Variants in MDN1 observed in about 807,000 individuals in gnomAD.
MDN1 encodes midasin AAA ATPase 1.
A neutral mutation model predicts 669.2 loss-of-function variants in MDN1; 266 were observed. The observed-to-expected ratio is 0.40, with a 90% CI of 0.36 to 0.44. The LOEUF is 0.44. Among genes scored for constraint, MDN1 ranks in the 20% least tolerant of loss-of-function variants. MDN1 has a pLI of 1.00. For missense variants in MDN1, 5,940 were observed against 6,754.0 expected, an observed-to-expected ratio of 0.88 and a Z score of 4.22; for synonymous variants, 2,385 against 2,457.1, an observed-to-expected ratio of 0.97 and a Z score of 0.87.
chr6:89,740,271 G>C lies in MDN1; in HGVS notation c.4556C>G (p.Ala1519Gly). ...AAAGTCACCCCCAGGGTTCATGGTT[G>C]CTAGAATACGAAATTTTTTCCCAGC... is the stretch of plus-strand genomic sequence containing the variant. ...LTAGKKFRILATMNPGGDFGK... is the reference protein window; with the variant it reads ...LTAGKKFRILGTMNPGGDFGK... The change falls in exon 32 of 102, where the codon GCA becomes GGA. Residue 1519 changes from alanine to glycine, a missense_variant. By Grantham distance (60) the Ala-to-Gly change is moderately conservative. Transcript: ENST00000369393. 6.2e-7 allele frequency: 1 copy of C among 1,611,834 alleles called. No individual in the cohort carries two copies. The highest frequency in any genetic ancestry group is 8.5e-7 in the Non-Finnish European group (1 of 1,179,362).
chr6:89,778,439 CTT>C (rs1818461988), intron 11 of MDN1, among the ~76,000 whole-genome samples: 2 of 152,038 alleles, frequency 1.3e-5, no homozygotes, highest in South Asian at 2.1e-4. Context: ...AGCAGGAAAA[CTT>C]ATACCCAGAA....
intron 2 of MDN1, among the ~76,000 whole-genome samples, chr6:89,796,946 T>C (rs1232658172): frequency 6.6e-6 from 1 of 151,968 alleles, no homozygotes; most frequent in African/African-American, 2.4e-5. Flanking sequence ...TGCAAGCCTG[T>C]AATCCCAGCT....
At position 89,790,235 on chromosome 6, in the gene MDN1, T is replaced by C. The variant is rs1157880230; in HGVS notation, c.1022A>G (p.Tyr341Cys). The change falls in exon 6 of 102, where the codon TAT becomes TGT. Residue 341 changes from tyrosine (Y) to cysteine (C), a missense_variant. Transcript: ENST00000369393. ...IGCGKTSLVE[Y>C]LAAVTGRTKP... is the part of the protein sequence containing the mutation. ...TGTTCTACCTGTCACTGCAGCTAAA[T>C]ATTCAACTAAGGAAGTTTTGCCACA... 2 of 1,614,170 alleles carry C rather than the reference T, an allele frequency of 1.2e-6. No individual in the cohort carries two copies. Among genetic ancestry groups the C allele is most frequent in the Admixed American group, 3.3e-5 (2 of 60,022 alleles).
intron 26 of MDN1, among the ~76,000 whole-genome samples, chr6:89,747,918 A>AT (rs1412293865): frequency 1.5e-3 from 218 of 149,920 alleles, no homozygotes; most frequent in African/African-American, 5.1e-3. Context: ...AAAAAGATTA[A>AT]TTTTTTAATG....
At chr6:89,763,391 A>G (rs1167834482) in intron 15 of MDN1, among the ~76,000 whole-genome samples, 1 of 151,890 alleles carries the variant, frequency 6.6e-6, no homozygotes, top group Non-Finnish European at 1.5e-5. Flanking sequence ...GGTACTCCAA[A>G]GCTCAACTTG....
chr6:89,730,952 C>T, intron 34 of MDN1, 29 bp from the exon 35 acceptor site: 1 of 1,591,702 alleles, frequency 6.3e-7, no homozygotes, highest in African/African-American at 1.3e-5. Context: ...GTCCATGAAG[C>T]AACAGTACAA....
chr6:89,785,147 C>A (rs1249325959), intron 8 of MDN1, 21 bp from the exon 9 acceptor site: 1 of 1,571,084 alleles, frequency 6.4e-7, no homozygotes, highest in Non-Finnish European at 8.8e-7. Context: ...AAATAAAAAA[C>A]ACAGTCACAC....
intron 23 of MDN1, 157 bp downstream of exon 23, chr6:89,751,274 A>T: frequency 1.1e-6 from 1 of 908,830 alleles, no homozygotes; most frequent in Non-Finnish European, 1.6e-6. Flanking sequence ...AAAGTTTTCT[A>T]CCAGGAAAAA....
At chr6:89,677,460 C>T in intron 76 of MDN1, 110 bp downstream of exon 76, 1 of 1,371,894 alleles carries the variant, frequency 7.3e-7, no homozygotes, top group Non-Finnish European at 1.0e-6. Flanking sequence ...AAGTGGTAGC[C>T]ACAGTGGTAT....
At chr6:89,719,301 C>T in intron 40 of MDN1, 76 bp from the exon 41 acceptor site, 1 of 1,196,374 alleles carries the variant, frequency 8.4e-7, no homozygotes, top group Non-Finnish European at 1.2e-6. Context: ...AGAAAACAAG[C>T]ACAGTGATAA....
At chr6:89,694,907 G>C (rs1812629613) in intron 61 of MDN1, among the ~76,000 whole-genome samples, 1 of 152,016 alleles carries the variant, frequency 6.6e-6, no homozygotes, top group Admixed American at 6.6e-5. Context: ...AAAATTCCTA[G>C]GATATAGGGA....
rs540096531 is a variant in MDN1 at position 89,699,881 on chromosome 6, T to TA, written c.8871-155dup. ...ATAAAATTCTCGGTGACTTTTAAAG[T>TA]AGAGTCAAAACTAGTAAAAAAAAAA... On this transcript the variant is annotated intron_variant, in intron 57 of 101. Transcript: ENST00000369393. 2.2e-3 allele frequency among the ~76,000 whole-genome samples: 338 copies of TA among 151,780 alleles called. 1 individual carries two copies. The highest frequency in any genetic ancestry group is 7.9e-3 in the African/African-American group (326 of 41,402).
chr6:89,806,612 G>A (rs947636302), intron 1 of MDN1, among the ~76,000 whole-genome samples: 2 of 152,110 alleles, frequency 1.3e-5, no homozygotes, highest in African/African-American at 2.4e-5. Flanking sequence ...CAGCTACTTG[G>A]GAGGCTGGGG....
At chr6:89,715,385 G>A (rs1814282046) in intron 45 of MDN1, among the ~76,000 whole-genome samples, 2 of 152,156 alleles carry the variant, frequency 1.3e-5, no homozygotes, top group South Asian at 2.1e-4. Flanking sequence ...TACTGCAAAA[G>A]GATCATGACT....
intron 2 of MDN1, 146 bp downstream of exon 2, chr6:89,803,182 G>T (rs1767775086): frequency 9.7e-6 from 7 of 722,658 alleles, no homozygotes; most frequent in Non-Finnish European, 2.3e-6. Context: ...GGATTCTGCT[G>T]TGACTCTTTT....
In MDN1 at chr6:89,700,778, G is replaced by A. The variant is rs765924177; in HGVS notation, c.8506C>T (p.Leu2836Phe). 3 of 1,614,086 alleles carry A rather than the reference G, an allele frequency of 1.9e-6. No homozygotes were observed. The South Asian group carries it at 3.3e-5, about 18-fold the overall frequency. The part of the protein sequence containing the change: ...VLAIREQMSA[L>F]GESGWQEDIN... ...TCTTCCTGCCATCCACTCTCCCCAA[G>A]GGCAGACATCTGCTCCCTGATGGCA... The change falls in exon 56 of 102, where the codon CTT becomes TTT. Residue 2836 changes from leucine to phenylalanine, a missense_variant. Physicochemically the swap from Leu to Phe is conservative, Grantham distance 22. Coordinates refer to ENST00000369393, the MANE Select transcript of MDN1 (RefSeq NM_014611.3).
chr6:89,814,967 A>G, intron 1 of MDN1: 1 of 547,216 alleles, frequency 1.8e-6, no homozygotes, highest in Non-Finnish European at 3.2e-6. Context: ...GCCATGTCAC[A>G]GAGAATCCAG....
At position 89,662,904 on chromosome 6, in the gene MDN1, T is replaced by C. The variant is rs780660286; in HGVS notation, c.14300A>G (p.Asn4767Ser). 2.8e-5 allele frequency: 45 copies of C among 1,614,102 alleles called. No individual in the cohort carries two copies. The highest frequency in any genetic ancestry group is 1.6e-4 in the East Asian group (7 of 44,856). Reference protein sequence around the residue: ...GDLDKHMGDLNGEEADKLDER... With the variant: ...GDLDKHMGDLSGEEADKLDER... ...ATCTAGTTTGTCAGCTTCCTCACCATTGAGATCGCCCATGTGTTTATCCAG... is the reference window on the plus strand; with the variant it reads ...ATCTAGTTTGTCAGCTTCCTCACCACTGAGATCGCCCATGTGTTTATCCAG... Residue 4767 changes from asparagine (N) to serine (S), a missense_variant, in exon 86 of 102, where the codon AAT becomes AGT. By Grantham distance (46) the Asn-to-Ser change is conservative. Transcript: ENST00000369393.
In MDN1 at chr6:89,728,780, G is replaced by A. The variant is rs550002841; in HGVS notation, c.5349+151C>T. 38 of 823,572 alleles carry A rather than the reference G, an allele frequency of 4.6e-5. No homozygotes were observed. In the East Asian group the frequency reaches 7.5e-4, roughly 16 times the overall value. The allele number at this position is 823,572 out of a possible 1,614,324, so 51.0% of individuals were successfully genotyped here. A position where few individuals can be genotyped will look rare whatever the true frequency, so the allele number is the denominator to read the frequency against. Reference sequence around the variant, plus strand: ...TGCACTCCAGCCTGGGCAACAGAACGAGACTCTGTCTCAAAAAAACAAAGA... The same window carrying A: ...TGCACTCCAGCCTGGGCAACAGAACAAGACTCTGTCTCAAAAAAACAAAGA... On this transcript the variant is annotated intron_variant, in intron 36 of 101. Coordinates refer to ENST00000369393, the MANE Select transcript of MDN1 (RefSeq NM_014611.3).
Sources: allele counts gnomAD v4.1 joint callset (sites outside exome capture counted in the v4.1 genomes callset), GRCh38; gene constraint gnomAD v4.1.1; transcripts MANE v1.5; gene names NCBI Gene and HGNC (gene_info 2026-07-23, HGNC 2026-07-21).